The following ZNF627 variants were observed in gnomAD, a reference collection of about 807,000 sequenced individuals.
The protein encoded by ZNF627 is zinc finger protein 627.
ZNF627 carries 12 observed loss-of-function variants against 10.6 expected under a neutral mutation model. The observed-to-expected ratio is 1.13, with a 90% CI of 0.73 to 1.84. The LOEUF (loss-of-function observed/expected upper bound fraction) is 1.84. Ranked by LOEUF, ZNF627 falls within the 40% of genes most tolerant of loss-of-function variation. ZNF627 has a pLI of 0.00. For synonymous variants in ZNF627, 176 were observed against 187.1 expected, an observed-to-expected ratio of 0.94 and a Z score of 0.48; for missense variants, 504 against 568.4, an observed-to-expected ratio of 0.89 and a Z score of 1.15.
At chr19:11,597,663 G>T in intron 1 of ZNF627, 33 bp downstream of exon 1, 1 of 1,338,104 alleles carries the variant, frequency 7.5e-7, no homozygotes, top group Non-Finnish European at 9.6e-7. Flanking sequence ...CCCCAGACCT[G>T]GGGGAGGGGC....
intron 1 of ZNF627, among the ~76,000 whole-genome samples, chr19:11,611,260 T>C (rs527785530): frequency 1.3e-5 from 2 of 152,324 alleles, no homozygotes; most frequent in Non-Finnish European, 2.9e-5. Flanking sequence ...TTGCCAGATA[T>C]ATGATTTGCT....
chr19:11,612,409 C>T (rs934692979), intron 1 of ZNF627, among the ~76,000 whole-genome samples: 4 of 147,780 alleles, frequency 2.7e-5, no homozygotes, highest in Non-Finnish European at 4.4e-5. Flanking sequence ...CATGAGCCAC[C>T]GTGCCCGGCC....
At chr19:11,603,791 G>A (rs1029956822) in intron 1 of ZNF627, among the ~76,000 whole-genome samples, 2 of 151,866 alleles carry the variant, frequency 1.3e-5, no homozygotes, top group Non-Finnish European at 2.9e-5. Flanking sequence ...CTCCTCCACA[G>A]GTGATTGTTT....
rs756892087 is a variant in ZNF627, at chr19:11,616,966, CCAGTACGTGAAAGGA to C, written c.465_479del (p.Val156_Thr160del). 6.2e-7 allele frequency: 1 copy of C among 1,614,158 alleles called. No individual in the cohort carries two copies. Among genetic ancestry groups the C allele is most frequent in the South Asian group, 1.1e-5 (1 of 91,074 alleles). ...AGCCTTGAGTTATCATCGCTCTTTT[CCAGTACGTGAAAGGA>C]CTCATCCTGGAGGAAAGCCCTATGA... On this transcript the variant is annotated inframe_deletion, in exon 4 of 4. Coordinates refer to ENST00000361113, the MANE Select transcript of ZNF627 (RefSeq NM_145295.4).
intron 2 of ZNF627, 47 bp from the exon 3 acceptor site, chr19:11,614,780 A>T: frequency 6.3e-7 from 1 of 1,586,174 alleles, no homozygotes; most frequent in Non-Finnish European, 8.6e-7. Context: ...TACTTTTTTC[A>T]TAATTTTATA....
intron 1 of ZNF627, among the ~76,000 whole-genome samples, chr19:11,600,514 G>A (rs59024487): frequency 0.012 from 1,790 of 151,394 alleles, 35 homozygotes; most frequent in African/African-American, 0.04. Flanking sequence ...TTTTTTTTGT[G>A]GGGGTGGGGT....
chr19:11,597,576 T>C lies in ZNF627; in HGVS notation c.-52T>C. ...GCAGCCTCTGTCGCGCCGTGACCTG[T>C]ACAGGTCGCGGGAGTCGTAGGGAGG... On this transcript the variant is annotated 5_prime_UTR_variant, in exon 1 of 4. Transcript: ENST00000361113. 2 of 1,320,440 alleles carry C rather than the reference T, an allele frequency of 1.5e-6. No individual in the cohort carries two copies. Among genetic ancestry groups the C allele is most frequent in the Non-Finnish European group, 1.9e-6 (2 of 1,026,292 alleles). 81.8% of individuals were successfully genotyped at this position (1,320,440 alleles called of 1,614,324 possible). A position where few individuals can be genotyped will look rare whatever the true frequency, so the allele number is the denominator to read the frequency against.
Position 11,601,309 on chromosome 19 carries a change from T to A in ZNF627, c.3+3679T>A, listed in dbSNP as rs542440058. Among the ~76,000 whole-genome samples the A allele has an allele frequency of 5.3e-5, 8 of 150,072 alleles. No individual in the cohort carries two copies. In the South Asian group the frequency reaches 1.7e-3, roughly 32 times the overall value. Reference sequence around the variant, plus strand: ...GTTTCTAATGAAACAAATCTGGATTTAGGTAAGGAGTGATTTATTTTATTT... The same window carrying A: ...GTTTCTAATGAAACAAATCTGGATTAAGGTAAGGAGTGATTTATTTTATTT... On this transcript the variant is annotated intron_variant, in intron 1 of 3. Transcript: ENST00000361113.
At chr19:11,600,113 A>G (rs1035235933) in intron 1 of ZNF627, among the ~76,000 whole-genome samples, 1 of 152,166 alleles carries the variant, frequency 6.6e-6, no homozygotes, top group Non-Finnish European at 1.5e-5. Flanking sequence ...GGATTTCAGA[A>G]AACATTAAAT....
intron 1 of ZNF627, among the ~76,000 whole-genome samples, chr19:11,612,272 C>T (rs941087755): frequency 1.3e-5 from 2 of 151,720 alleles, no homozygotes; most frequent in African/African-American, 2.4e-5. Flanking sequence ...AGGCGTCCGC[C>T]ACCACGCCCG....
Position 11,618,941 on chromosome 19 carries a change from TTCC to T in ZNF627, c.*1058_*1060del, listed in dbSNP as rs532758161. 182 of 152,326 alleles carry T rather than the reference TTCC, an allele frequency of 1.2e-3. No individual in the cohort carries two copies. The highest frequency in any genetic ancestry group is 3.9e-3 in the African/African-American group (161 of 41,584). The allele number at this position is 152,326 out of a possible 1,614,324, so 9.4% of individuals were successfully genotyped here. ...ATGTGCATACAACTTAAGGAATTTTTTCCTCCTCATGTAAATTTTACTTTTCAT... is the reference window on the plus strand; with the variant it reads ...ATGTGCATACAACTTAAGGAATTTTTTCCTCATGTAAATTTTACTTTTCAT... On this transcript the variant is annotated 3_prime_UTR_variant, in exon 4 of 4. Transcript: ENST00000361113.
chr19:11,599,537 G>A (rs9807882), intron 1 of ZNF627, among the ~76,000 whole-genome samples: 38,297 of 152,058 alleles, frequency 0.25, 4,845 homozygotes, highest in Admixed American at 0.3. Flanking sequence ...GCAAAATGCA[G>A]TGTCTCTTGG....
At chr19:11,606,336 C>CAA (rs1476278970) in intron 1 of ZNF627, among the ~76,000 whole-genome samples, 3 of 140,106 alleles carry the variant, frequency 2.1e-5, no homozygotes, top group East Asian at 2.0e-4. Flanking sequence ...GACTCTGTCT[C>CAA]AAAAAAAAAA....
At chr19:11,613,691 T>G (rs1363553597) in intron 1 of ZNF627, among the ~76,000 whole-genome samples, 1 of 151,658 alleles carries the variant, frequency 6.6e-6, no homozygotes, top group East Asian at 2.0e-4. Context: ...ATTCATTAGT[T>G]GCAATTTAGG....
chr19:11,603,004 GTTC>G (rs1490879436), intron 1 of ZNF627, among the ~76,000 whole-genome samples: 1 of 152,096 alleles, frequency 6.6e-6, no homozygotes, highest in Non-Finnish European at 1.5e-5. Context: ...TTAAAAGGTG[GTTC>G]TTCATAGTTT....
chr19:11,616,785 A>C lies in ZNF627; in HGVS notation c.282A>C (p.Lys94Asn), dbSNP rs1262231657. The C allele has an allele frequency of 6.2e-7, 1 of 1,614,008 alleles. No individual in the cohort carries two copies. Among genetic ancestry groups the C allele is most frequent in the Non-Finnish European group, 8.5e-7 (1 of 1,179,986 alleles). ...TTCCAGATGGTATTCTGAACAAGAA[A>C]ACTCCTGGAGTAAAACCGTGTGAAA... ...SQIPDGILNK[K>N]TPGVKPCESS... Residue 94 changes from lysine (K) to asparagine (N), a missense_variant, in exon 4 of 4, where the codon AAA becomes AAC. Lys to Asn is a moderately conservative substitution (Grantham distance 94, BLOSUM62 0). Transcript: ENST00000361113.
chr19:11,603,165 G>A (rs945115200), intron 1 of ZNF627, among the ~76,000 whole-genome samples: 1 of 151,950 alleles, frequency 6.6e-6, no homozygotes, highest in Non-Finnish European at 1.5e-5. Flanking sequence ...TCTGCATTTA[G>A]TTTGGGGGTT....
At chr19:11,608,754 C>T (rs1178286479) in intron 1 of ZNF627, among the ~76,000 whole-genome samples, 2 of 152,084 alleles carry the variant, frequency 1.3e-5, no homozygotes, top group Non-Finnish European at 2.9e-5. Context: ...CGCCTGGGCT[C>T]AAGATCCTTC....
At position 11,618,151 on chromosome 19, in the gene ZNF627, C is replaced by A. The variant is rs1019520138; in HGVS notation, c.*262C>A. On this transcript the variant is annotated 3_prime_UTR_variant, in exon 4 of 4. Coordinates refer to ENST00000361113, the MANE Select transcript of ZNF627 (RefSeq NM_145295.4). ...CCATTCCATTTGTGATTCCATGATA[C>A]AATTCACCAGTAACCTATCTTACAT... The A allele has an allele frequency of 2.2e-5, 9 of 402,736 alleles. No homozygotes were observed. Among genetic ancestry groups the A allele is most frequent in the Non-Finnish European group, 3.9e-5 (9 of 228,610 alleles). The allele number at this position is 402,736 out of a possible 1,614,324, so 24.9% of individuals were successfully genotyped here.
Sources: allele counts gnomAD v4.1 joint callset (sites outside exome capture counted in the v4.1 genomes callset), GRCh38; gene constraint gnomAD v4.1.1; transcripts MANE v1.5; gene names NCBI Gene and HGNC (gene_info 2026-07-23, HGNC 2026-07-21).